Variants in KEAP1 observed in about 807,000 individuals in gnomAD.
The protein encoded by KEAP1 is kelch like ECH associated protein 1.
KEAP1 carries 26 observed loss-of-function variants against 59.7 expected under a neutral mutation model. That is an observed-to-expected ratio of 0.44 (90% CI 0.32 to 0.60). The LOEUF (loss-of-function observed/expected upper bound fraction) is 0.60. Among genes scored for constraint, KEAP1 ranks in the 20% least tolerant of loss-of-function variants. The pLI is 0.06. For missense variants in KEAP1, 539 were observed against 871.4 expected (o/e 0.62, Z 4.80); for synonymous variants, 350 against 358.3 (o/e 0.98, Z 0.26).
At chr19:10,487,609 T>C (rs1054141294) in intron 5 of KEAP1, among the ~76,000 whole-genome samples, 1 of 151,888 alleles carries the variant, frequency 6.6e-6, no homozygotes, top group Non-Finnish European at 1.5e-5. Flanking sequence ...TGAGCTGAGA[T>C]TGTGCCACTG....
At chr19:10,497,889 T>C (rs1327442948) in intron 2 of KEAP1, among the ~76,000 whole-genome samples, 1 of 151,816 alleles carries the variant, frequency 6.6e-6, no homozygotes, top group African/African-American at 2.4e-5. Context: ...CAAGACCTCA[T>C]CTCTTCAAAA....
chr19:10,500,138 C>T (rs1266558156), intron 1 of KEAP1, 58 bp from the exon 2 acceptor site: 21 of 1,258,674 alleles, frequency 1.7e-5, no homozygotes, highest in East Asian at 1.0e-4. Flanking sequence ...CAGCACCTGC[C>T]GGGCCTCGTT....
chr19:10,493,662 C>T (rs1232488718), intron 2 of KEAP1, among the ~76,000 whole-genome samples: 3 of 149,656 alleles, frequency 2.0e-5, no homozygotes, highest in Non-Finnish European at 4.4e-5. Context: ...CCCGGGTTCA[C>T]GCCATTCTCC....
At chr19:10,496,315 G>A (rs1472879411) in intron 2 of KEAP1, among the ~76,000 whole-genome samples, 1 of 151,960 alleles carries the variant, frequency 6.6e-6, no homozygotes, top group African/African-American at 2.4e-5. Flanking sequence ...GACCAACATG[G>A]TGAAACCCCA....
At chr19:10,501,149 T>C (rs181547068) in intron 1 of KEAP1, among the ~76,000 whole-genome samples, 67 of 152,108 alleles carry the variant, frequency 4.4e-4, no homozygotes, top group African/African-American at 1.5e-3. Flanking sequence ...ATCTGGAGAA[T>C]TGGGAAGGAG....
intron 5 of KEAP1, among the ~76,000 whole-genome samples, chr19:10,488,515 TGGG>T (rs1914547296): frequency 1.4e-5 from 2 of 147,224 alleles, no homozygotes; most frequent in South Asian, 4.3e-4. Context: ...GGGAGGCTGA[TGGG>T]GGAGAATCAC....
At chr19:10,487,058 AAAT>A (rs1356205330) in intron 5 of KEAP1, among the ~76,000 whole-genome samples, 2 of 150,650 alleles carry the variant, frequency 1.3e-5, no homozygotes, top group African/African-American at 4.9e-5. Context: ...AAAAAAAAAA[AAAT>A]GGCCAGGCTT....
At position 10,486,687 on chromosome 19, in the gene KEAP1, G is replaced by A. The variant is rs376458951; in HGVS notation, c.1840C>T (p.Arg614Trp). 65 of 1,613,930 alleles carry A rather than the reference G, an allele frequency of 4.0e-5. No homozygotes were observed. The highest frequency in any genetic ancestry group is 1.2e-4 in the African/African-American group (9 of 74,896). The change falls in exon 6 of 6, where the codon CGG becomes TGG. Residue 614 changes from arginine to tryptophan, a missense_variant. Transcript: ENST00000171111. Reference sequence around the variant, plus strand: ...CAGTTCTGCTGGTCAATCTGCTTCCGGCAGGGCTCCATGGTGACAGCCACG... The same window carrying A: ...CAGTTCTGCTGGTCAATCTGCTTCCAGCAGGGCTCCATGGTGACAGCCACG... ...VGVAVTMEPC[R>W]KQIDQQNCTC
chr19:10,498,997 G>A (rs1291003440), intron 2 of KEAP1, among the ~76,000 whole-genome samples: 1 of 152,066 alleles, frequency 6.6e-6, no homozygotes, highest in African/African-American at 2.4e-5. Context: ...ACCAGGCCTG[G>A]CTAATTTTTA....
intron 2 of KEAP1, among the ~76,000 whole-genome samples, chr19:10,494,626 C>T (rs566660301): frequency 1.8e-4 from 27 of 149,134 alleles, no homozygotes; most frequent in African/African-American, 6.7e-4. Flanking sequence ...CCTGAGCCAC[C>T]GCGCCTGGCC....
At chr19:10,500,681 CTTT>C (rs539575991) in intron 1 of KEAP1, among the ~76,000 whole-genome samples, 70 of 128,662 alleles carry the variant, frequency 5.4e-4, no homozygotes, top group Non-Finnish European at 7.2e-4. Context: ...AGTTTGTTTG[CTTT>C]TTTTTTTTTT....
intron 1 of KEAP1, 65 bp from the exon 2 acceptor site, chr19:10,500,145 C>T (rs1049573181): frequency 2.5e-6 from 3 of 1,197,340 alleles, no homozygotes; most frequent in Non-Finnish European, 3.4e-6. Flanking sequence ...TGCCGGGCCT[C>T]GTTTTGCAAG....
rs1327706501 is a variant in KEAP1 at position 10,499,117 on chromosome 19, G to T, written c.639+278C>A. ...CCCAAAGTGTTGGGATTACAGGCAT[G>T]AGCCACCACGCCCGGCCCCAGTTGT... is the stretch of plus-strand genomic sequence containing the variant. On this transcript the variant is annotated intron_variant, in intron 2 of 5. Coordinates refer to ENST00000171111, the MANE Select transcript of KEAP1 (RefSeq NM_203500.2). The surrounding 1 kb of genome is among the most constrained non-coding windows in gnomAD (Gnocchi z 6.7). Among the ~76,000 whole-genome samples the T allele has an allele frequency of 6.6e-6, 1 of 152,172 alleles. No individual in the cohort carries two copies. The highest frequency in any genetic ancestry group is 1.5e-5 in the Non-Finnish European group (1 of 68,038).
At chr19:10,495,393 G>A (rs1038267681) in intron 2 of KEAP1, among the ~76,000 whole-genome samples, 2 of 151,996 alleles carry the variant, frequency 1.3e-5, no homozygotes, top group Admixed American at 6.6e-5. Flanking sequence ...AGAATGTTGT[G>A]GAAAAAAACA....
In KEAP1 at chr19:10,499,775, C is replaced by T. The variant is rs749143495; in HGVS notation, c.259G>A (p.Asp87Asn). Residue 87 changes from aspartate (D) to asparagine (N), a missense_variant, in exon 2 of 6, where the codon GAT (aspartate) becomes AAT (asparagine). By Grantham distance (23) the Asp-to-Asn change is conservative. Coordinates refer to ENST00000171111, the MANE Select transcript of KEAP1 (RefSeq NM_203500.2). This position sits in a 1 kb window ranked among gnomAD's most constrained non-coding sequence, Gnocchi z 6.7. Reference sequence around the variant, plus strand: ...GCCATGAACTGGGCGGCCGGTGCATCCTGGTACTTGACCTGCAGTGTGACG... The same window carrying T: ...GCCATGAACTGGGCGGCCGGTGCATTCTGGTACTTGACCTGCAGTGTGACG... Reference protein sequence around the residue: ...CDVTLQVKYQDAPAAQFMAHK... With the variant: ...CDVTLQVKYQNAPAAQFMAHK... 6.2e-7 allele frequency: 1 copy of T among 1,614,110 alleles called. No individual in the cohort carries two copies. Among genetic ancestry groups the T allele is most frequent in the Non-Finnish European group, 8.5e-7 (1 of 1,180,032 alleles).
intron 2 of KEAP1, among the ~76,000 whole-genome samples, chr19:10,493,631 G>T (rs552037807): frequency 7.6e-6 from 1 of 132,176 alleles, no homozygotes; most frequent in South Asian, 2.4e-4. Context: ...GCGCTATCTC[G>T]GCTCACTGCA....
At chr19:10,488,127 T>C (rs1481378651) in intron 5 of KEAP1, among the ~76,000 whole-genome samples, 7 of 148,254 alleles carry the variant, frequency 4.7e-5, no homozygotes, top group African/African-American at 1.8e-4. Flanking sequence ...AAACTCCATC[T>C]CAAAAAAAAA....
In KEAP1 at chr19:10,499,836, G is replaced by C. The variant is rs2144629295; in HGVS notation, c.198C>G (p.Ile66Met). The C allele has an allele frequency of 6.2e-7, 1 of 1,613,946 alleles. No individual in the cohort carries two copies. The highest frequency in any genetic ancestry group is 1.1e-5 in the South Asian group (1 of 91,088). ...LEDHTKQAFG[I>M]MNELRLSQQL... Reference sequence around the variant, plus strand: ...GCTGGCTGAGCCGCAGCTCGTTCATGATGCCAAAGGCCTGCTTGGTATGAT... The same window carrying C: ...GCTGGCTGAGCCGCAGCTCGTTCATCATGCCAAAGGCCTGCTTGGTATGAT... The change falls in exon 2 of 6, where the codon ATC becomes ATG. Residue 66 changes from isoleucine to methionine, a missense_variant. By Grantham distance (10) the Ile-to-Met change is conservative. Transcript: ENST00000171111. This position sits in a 1 kb window ranked among gnomAD's most constrained non-coding sequence, Gnocchi z 6.7.
rs1488979145 is a variant in KEAP1, at chr19:10,499,303, T to C, written c.639+92A>G. 1.3e-5 allele frequency: 15 copies of C among 1,198,462 alleles called. No individual in the cohort carries two copies. Among genetic ancestry groups the C allele is most frequent in the Non-Finnish European group, 1.7e-5 (15 of 862,888 alleles). 74.2% of individuals were successfully genotyped at this position (1,198,462 alleles called of 1,614,324 possible). A position where few individuals can be genotyped will look rare whatever the true frequency, so the allele number is the denominator to read the frequency against. On this transcript the variant is annotated intron_variant, in intron 2 of 5. Transcript: ENST00000171111. The surrounding 1 kb of genome is among the most constrained non-coding windows in gnomAD (Gnocchi z 6.7). ...AGAACCTCCTTTTTCTCCAGTTTCC[T>C]GCCTTGACATCTCAAGGGGAGACAG...
Sources: gnomAD v4.1 joint callset for allele counts (sites outside exome capture counted in the v4.1 genomes callset) on GRCh38, gnomAD v4.1.1 for gene constraint, Gnocchi (gnomAD v3.1) non-coding constraint, MANE v1.5 for transcripts, NCBI Gene and HGNC (gene_info 2026-07-23, HGNC 2026-07-21) for gene names.